The following USP7 variants were observed in gnomAD, a reference collection of about 807,000 sequenced individuals.
USP7 encodes the protein ubiquitin specific peptidase 7.
A neutral mutation model predicts 162.9 loss-of-function variants in USP7; 9 were observed. The ratio of observed to expected loss-of-function variants is 0.06; its 90% CI spans 0.03 to 0.10. The LOEUF (loss-of-function observed/expected upper bound fraction) is 0.10, where lower values mean the gene tolerates loss of function less well. USP7 is among the 10% of genes least tolerant of loss of function. USP7 has a pLI of 1.00. For missense variants in USP7, 715 were observed against 1,373.7 expected, an observed-to-expected ratio of 0.52 and a Z score of 7.58; for synonymous variants, 562 against 475.9, an observed-to-expected ratio of 1.18 and a Z score of -2.35.
intron 10 of USP7, among the ~76,000 whole-genome samples, chr16:8,914,479 G>C (rs1221787497): frequency 7.9e-5 from 12 of 152,122 alleles, no homozygotes; most frequent in Admixed American, 7.2e-4. Flanking sequence ...ACCTCAAATG[G>C]AGACCAACCC....
Position 8,892,608 on chromosome 16 carries a change from A to G in USP7, c.*1390T>C, listed in dbSNP as rs1329565802. The G allele has an allele frequency of 8.6e-4, 3 of 3,484 alleles. No individual in the cohort carries two copies. Among genetic ancestry groups the G allele is most frequent in the African/African-American group, 2.3e-3 (3 of 1,322 alleles). The allele number at this position is 3,484 out of a possible 1,614,324, so 0.2% of individuals were successfully genotyped here. On this transcript the variant is annotated 3_prime_UTR_variant, in exon 31 of 31. Transcript: ENST00000344836. ...AGTAAATGTGACTAGTTAGAGGCTA[A>G]AAAAAAAAAAAAAAAAAAAAAGAAA...
At chr16:8,922,066 T>C (rs763346677) in intron 3 of USP7, among the ~76,000 whole-genome samples, 6 of 152,210 alleles carry the variant, frequency 3.9e-5, no homozygotes, top group Non-Finnish European at 7.3e-5. Context: ...CAGGCTAAAG[T>C]TGTCCATCGG....
rs1898658949 is a variant in USP7, at chr16:8,935,541, CAAAT to C, written c.80-5148_80-5145del. The C allele has an allele frequency of 2.6e-5, 4 of 152,294 alleles. No homozygotes were observed. In the South Asian group the frequency reaches 8.3e-4, roughly 32 times the overall value. 9.4% of individuals were successfully genotyped at this position (152,294 alleles called of 1,614,324 possible). ...CACTATTTTTGACACAAAATTATCT[CAAAT>C]AAGACTGGGGACATGTTTGGCAAAC... is the stretch of plus-strand genomic sequence containing the variant. On this transcript the variant is annotated intron_variant, in intron 1 of 30. Transcript: ENST00000344836.
intron 1 of USP7, among the ~76,000 whole-genome samples, chr16:8,955,823 CT>C (rs1043322661): frequency 6.6e-6 from 1 of 151,506 alleles, no homozygotes; most frequent in Non-Finnish European, 1.5e-5. Context: ...TGGCTTACAG[CT>C]TTTTTAAGGG....
At chr16:8,958,713 G>A (rs896746169) in intron 1 of USP7, among the ~76,000 whole-genome samples, 1 of 152,218 alleles carries the variant, frequency 6.6e-6, no homozygotes, top group African/African-American at 2.4e-5. Flanking sequence ...ATCGCAGGGA[G>A]CTCTAGCACT....
intron 28 of USP7, 69 bp from the exon 29 acceptor site, chr16:8,894,924 C>T (rs532281274): frequency 1.5e-5 from 25 of 1,613,680 alleles, no homozygotes; most frequent in Non-Finnish European, 1.4e-5. Context: ...ACGTGGCAGC[C>T]GCCAAAACCA....
intron 1 of USP7, among the ~76,000 whole-genome samples, chr16:8,939,826 G>C (rs976055214): frequency 6.6e-6 from 1 of 152,198 alleles, no homozygotes; most frequent in African/African-American, 2.4e-5. Flanking sequence ...CTGGCCGAGC[G>C]CAGTGGCTCA....
At chr16:8,939,993 G>A (rs1898960606) in intron 1 of USP7, among the ~76,000 whole-genome samples, 1 of 152,168 alleles carries the variant, frequency 6.6e-6, no homozygotes, top group East Asian at 1.9e-4. Context: ...AGCTACTTGG[G>A]AGGCTGAGGC....
rs111792557 is a variant in USP7 at position 8,894,721 on chromosome 16, G to A, written c.3111+63C>T. 5,862 of 1,611,876 alleles carry A rather than the reference G, an allele frequency of 3.6e-3. 130 individuals are homozygous for A. The African/African-American group carries it at 0.063, about 17-fold the overall frequency. ...CATCTCTGGCAAAAAAGCCTAGGCCGCTACGCTAGGCAAGGCTTGAGCCTA... is the reference window on the plus strand; with the variant it reads ...CATCTCTGGCAAAAAAGCCTAGGCCACTACGCTAGGCAAGGCTTGAGCCTA... On this transcript the variant is annotated intron_variant, in intron 29 of 30. Coordinates refer to ENST00000344836, the MANE Select transcript of USP7 (RefSeq NM_003470.3).
At chr16:8,941,778 C>A (rs1173041387) in intron 1 of USP7, among the ~76,000 whole-genome samples, 1 of 152,142 alleles carries the variant, frequency 6.6e-6, no homozygotes, top group Non-Finnish European at 1.5e-5. Flanking sequence ...GGTGTGAGAC[C>A]ACCGGCCAGC....
At chr16:8,950,315 A>T (rs1354555701) in intron 1 of USP7, among the ~76,000 whole-genome samples, 2 of 152,232 alleles carry the variant, frequency 1.3e-5, no homozygotes, top group Admixed American at 1.3e-4. Flanking sequence ...TCTAAAAAAA[A>T]AGATGGGACC....
chr16:8,927,110 G>A (rs1361993573), intron 2 of USP7, among the ~76,000 whole-genome samples: 1 of 152,164 alleles, frequency 6.6e-6, no homozygotes, highest in Non-Finnish European at 1.5e-5. Flanking sequence ...ATGAGGTCAG[G>A]AGTGCGAGAC....
rs1471508819 is a variant in USP7, at chr16:8,963,577, C to CCG, written c.-294_-293dup. On this transcript the variant is annotated 5_prime_UTR_variant, in exon 1 of 31. Transcript: ENST00000344836. Reference sequence around the variant, plus strand: ...TCGTCGCTCGCTGCGGCCGCCGCCGCCGCCGCCGCGGGGCCCGCCTCCCGC... The same window carrying CCG: ...TCGTCGCTCGCTGCGGCCGCCGCCGCCGCGCCGCCGCGGGGCCCGCCTCCCGC... 2 of 139,442 alleles carry CCG rather than the reference C, an allele frequency of 1.4e-5. No individual in the cohort carries two copies. The highest frequency in any genetic ancestry group is 3.2e-5 in the Non-Finnish European group (2 of 63,272). The allele number at this position is 139,442 out of a possible 1,614,324, so 8.6% of individuals were successfully genotyped here.
chr16:8,939,800 CT>C (rs1268148220), intron 1 of USP7, among the ~76,000 whole-genome samples: 1 of 152,226 alleles, frequency 6.6e-6, no homozygotes, highest in African/African-American at 2.4e-5. Flanking sequence ...AACCACTCCC[CT>C]AAAGAAGACT....
intron 2 of USP7, among the ~76,000 whole-genome samples, 179 bp downstream of exon 2, chr16:8,930,114 T>C (rs1898233734): frequency 6.6e-6 from 1 of 152,182 alleles, no homozygotes; most frequent in Admixed American, 6.5e-5. Context: ...TACCTGGCAA[T>C]GGTGTAGGCA....
At chr16:8,913,311 G>C (rs988632662) in intron 10 of USP7, among the ~76,000 whole-genome samples, 1 of 152,160 alleles carries the variant, frequency 6.6e-6, no homozygotes, top group Non-Finnish European at 1.5e-5. Context: ...AGCCGAGATC[G>C]CACCACTGCA....
intron 1 of USP7, 122 bp downstream of exon 1, chr16:8,963,072 GGAGGCCAGGCCGA>G: frequency 1.3e-6 from 1 of 764,632 alleles, no homozygotes. Context: ...GCCGGGGCCG[GGAGGCCAGGCCGA>G]GGCCCGGCGG....
At position 8,919,266 on chromosome 16, in the gene USP7, T is replaced by A. The variant is rs1897544607; in HGVS notation, c.612-127A>T. 5 of 845,756 alleles carry A rather than the reference T, an allele frequency of 5.9e-6. No individual in the cohort carries two copies. In the South Asian group the frequency reaches 7.3e-5, roughly 12 times the overall value. The allele number at this position is 845,756 out of a possible 1,614,324, so 52.4% of individuals were successfully genotyped here. On this transcript the variant is annotated intron_variant, in intron 5 of 30. Coordinates refer to ENST00000344836, the MANE Select transcript of USP7 (RefSeq NM_003470.3). ...GGCCAGGAACACTTATCACACAGCA[T>A]CCTTCAATGGTCACCGATTCCCTTC...
At chr16:8,955,722 A>AC (rs1472165483) in intron 1 of USP7, among the ~76,000 whole-genome samples, 1 of 151,764 alleles carries the variant, frequency 6.6e-6, no homozygotes, top group East Asian at 1.9e-4. Flanking sequence ...AAAAAAAAAA[A>AC]AAAACATTGC....
Sources: allele counts gnomAD v4.1 joint callset (sites outside exome capture counted in the v4.1 genomes callset), GRCh38; gene constraint gnomAD v4.1.1; transcripts MANE v1.5; gene names NCBI Gene and HGNC (gene_info 2026-07-23, HGNC 2026-07-21).